The following ZBTB20 variants were observed in gnomAD, a reference collection of about 807,000 sequenced individuals.
The protein encoded by ZBTB20 is zinc finger and BTB domain-containing protein 20.
Under a neutral mutation model 56.9 loss-of-function variants are expected in ZBTB20, and 9 were observed. The ratio of observed to expected loss-of-function variants is 0.16; its 90% CI spans 0.10 to 0.28. The LOEUF (loss-of-function observed/expected upper bound fraction) is 0.28, where lower values mean the gene tolerates loss of function less well. ZBTB20 is among the 10% of genes least tolerant of loss of function. ZBTB20 has a pLI of 1.00. For synonymous variants in ZBTB20, 417 were observed against 420.7 expected (o/e 0.99, Z 0.11); for missense variants, 655 against 1,003.0 (o/e 0.65, Z 4.69).
chr3:114,825,640 A>G (rs2073484757), intron 4 of ZBTB20, among the ~76,000 whole-genome samples: 1 of 151,862 alleles, frequency 6.6e-6, no homozygotes, highest in Non-Finnish European at 1.5e-5. Context: ...AGCGACAGGA[A>G]TTAAAAGGCA....
chr3:114,613,467 A>T (rs529905078), intron 6 of ZBTB20, among the ~76,000 whole-genome samples: 1 of 152,334 alleles, frequency 6.6e-6, no homozygotes, highest in South Asian at 2.1e-4. Context: ...CCTAGACTAG[A>T]CCATGCTTAA....
At chr3:114,399,096 A>G (rs2086588688) in intron 7 of ZBTB20, among the ~76,000 whole-genome samples, 1 of 152,196 alleles carries the variant, frequency 6.6e-6, no homozygotes, top group Admixed American at 6.6e-5. Flanking sequence ...GTTGGGACTC[A>G]GCAGGTTCCC....
chr3:114,756,971 T>G (rs187537676), intron 5 of ZBTB20, among the ~76,000 whole-genome samples: 5 of 152,258 alleles, frequency 3.3e-5, no homozygotes, highest in Admixed American at 3.3e-4. Flanking sequence ...ATTTTCACTT[T>G]AAAAAAATAT....
At chr3:115,104,999 T>G (rs1317654833) in intron 1 of ZBTB20, among the ~76,000 whole-genome samples, 1 of 152,178 alleles carries the variant, frequency 6.6e-6, no homozygotes, top group Non-Finnish European at 1.5e-5. Context: ...CCCATCGATT[T>G]TACTATGAAA....
rs189019752 is a variant in ZBTB20, at chr3:114,798,316, T to A, written c.-343+2785A>T. Among the ~76,000 whole-genome samples the A allele has an allele frequency of 7.6e-5, 11 of 144,522 alleles. No homozygotes were observed. In the East Asian group the frequency reaches 1.6e-3, roughly 22 times the overall value. 94.8% of individuals were successfully genotyped at this position (144,522 alleles called of 152,430 possible). A position where few individuals can be genotyped will look rare whatever the true frequency, so the allele number is the denominator to read the frequency against. The stretch of plus-strand genomic sequence containing the variant: ...AGGACTCGTTGCTCAACCAAAGGCA[T>A]GATACTAGGAACAAAATTAAAAAAC... On this transcript the variant is annotated intron_variant, in intron 5 of 11. Coordinates refer to ENST00000675478, the MANE Select transcript of ZBTB20 (RefSeq NM_001348800.3).
At chr3:115,023,066 T>G (rs113104147) in intron 2 of ZBTB20, among the ~76,000 whole-genome samples, 3,477 of 150,884 alleles carry the variant, frequency 0.023, 78 homozygotes, top group Middle Eastern at 0.065. Flanking sequence ...TGAGACAGAT[T>G]TAAGTGTTCT....
At position 114,332,058 on chromosome 3, in the gene ZBTB20, G is replaced by GTTTTTTTTTTTTTTT. The variant is rs71146316; in HGVS notation, c.*6932_*6946dup. ...ACTAGTAGAAACAGATGCCCCCAAG[G>GTTTTTTTTTTTTTTT]TTTTTTTTTTTTTTTTTTTTTTTTT... On this transcript the variant is annotated 3_prime_UTR_variant, in exon 12 of 12. Coordinates refer to ENST00000675478, the MANE Select transcript of ZBTB20 (RefSeq NM_001348800.3). 2 of 85,404 alleles carry GTTTTTTTTTTTTTTT rather than the reference G, an allele frequency of 2.3e-5. No homozygotes were observed. Among genetic ancestry groups the GTTTTTTTTTTTTTTT allele is most frequent in the South Asian group, 4.9e-4 (1 of 2,048 alleles). 5.3% of individuals were successfully genotyped at this position (85,404 alleles called of 1,614,324 possible).
At chr3:114,477,008 T>A (rs2040848063) in intron 7 of ZBTB20, among the ~76,000 whole-genome samples, 1 of 152,146 alleles carries the variant, frequency 6.6e-6, no homozygotes, top group South Asian at 2.1e-4. Context: ...GTTCTAAGGA[T>A]CATAAGAGAA....
At chr3:115,126,376 C>T (rs904849712) in intron 1 of ZBTB20, among the ~76,000 whole-genome samples, 3 of 152,172 alleles carry the variant, frequency 2.0e-5, no homozygotes, top group Non-Finnish European at 2.9e-5. Flanking sequence ...AAAGAATGTC[C>T]TCCAAATGTC....
intron 5 of ZBTB20, among the ~76,000 whole-genome samples, chr3:114,725,502 A>C (rs2065209273): frequency 6.6e-6 from 1 of 152,244 alleles, no homozygotes. Context: ...AAAACGCATT[A>C]ATCGAAATTG....
intron 4 of ZBTB20, among the ~76,000 whole-genome samples, chr3:114,859,576 T>C (rs1173848466): frequency 5.8e-5 from 1 of 17,150 alleles, no homozygotes; most frequent in Non-Finnish European, 1.7e-3. Context: ...TATGGCGTTT[T>C]TTTTTTTTTT....
intron 6 of ZBTB20, among the ~76,000 whole-genome samples, chr3:114,575,584 T>TA (rs1465673578): frequency 1.5e-4 from 20 of 132,820 alleles, no homozygotes; most frequent in Non-Finnish European, 2.4e-4. Context: ...GAACTACCTT[T>TA]AAAAAATAAA....
intron 10 of ZBTB20, among the ~76,000 whole-genome samples, chr3:114,375,305 C>T (rs562658153): frequency 1.3e-5 from 2 of 152,308 alleles, no homozygotes; most frequent in East Asian, 1.9e-4. Context: ...TAACGCCTTT[C>T]AATCACAAAC....
intron 4 of ZBTB20, among the ~76,000 whole-genome samples, chr3:114,862,729 C>T (rs909429832): frequency 1.3e-5 from 2 of 152,098 alleles, no homozygotes; most frequent in Non-Finnish European, 2.9e-5. Context: ...ATAAGGGAAG[C>T]TTTCTTGGTT....
rs538319507 is a variant in ZBTB20 at position 115,072,070 on chromosome 3, T to C, written c.-702-656A>G. On this transcript the variant is annotated intron_variant, in intron 1 of 11. Coordinates refer to ENST00000675478, the MANE Select transcript of ZBTB20 (RefSeq NM_001348800.3). The stretch of plus-strand genomic sequence containing the variant: ...AAACTAGACTTCTTTATGGCAGAAC[T>C]TGAGAAATATCAGGGTTTATTTCTT... Among the ~76,000 whole-genome samples the C allele has an allele frequency of 2.1e-4, 32 of 152,270 alleles. No homozygotes were observed. The East Asian group carries it at 6.0e-3, about 28-fold the overall frequency.
At chr3:114,896,063 T>A (rs945374804) in intron 4 of ZBTB20, among the ~76,000 whole-genome samples, 1 of 152,164 alleles carries the variant, frequency 6.6e-6, no homozygotes, top group African/African-American at 2.4e-5. Flanking sequence ...TTGAAAGCAT[T>A]TGAACTCACA....
At chr3:115,105,920 C>T (rs142014330) in intron 1 of ZBTB20, among the ~76,000 whole-genome samples, 2,088 of 152,078 alleles carry the variant, frequency 0.014, 60 homozygotes, top group African/African-American at 0.048. Flanking sequence ...CCAGTTCAAG[C>T]GATTCTCCTG....
chr3:114,802,244 C>T (rs72956252), intron 4 of ZBTB20, among the ~76,000 whole-genome samples: 2,485 of 151,998 alleles, frequency 0.016, 75 homozygotes, highest in African/African-American at 0.056. Context: ...TCCAATTTCA[C>T]ATTAGTGCAA....
intron 5 of ZBTB20, among the ~76,000 whole-genome samples, chr3:114,744,041 T>C (rs965564624): frequency 6.6e-6 from 1 of 152,182 alleles, no homozygotes; most frequent in African/African-American, 2.4e-5. Flanking sequence ...AACTTGATTT[T>C]TATTCAATCA....
Sources: allele counts gnomAD v4.1 joint callset (sites outside exome capture counted in the v4.1 genomes callset), GRCh38; gene constraint gnomAD v4.1.1; transcripts MANE v1.5; gene names NCBI Gene and HGNC (gene_info 2026-07-23, HGNC 2026-07-21).